Variants in IL12RB1 observed in about 807,000 individuals in gnomAD.
IL12RB1 encodes interleukin 12 receptor subunit beta 1, also known as interleukin-12 receptor subunit beta-1.
Under a neutral mutation model 94.4 loss-of-function variants are expected in IL12RB1, and 64 were observed. That is an observed-to-expected ratio of 0.68 (90% CI 0.55 to 0.83). The LOEUF is 0.83. Among genes scored for constraint, IL12RB1 ranks in the 40% least tolerant of loss-of-function variants. IL12RB1 has a pLI of 0.00. For synonymous variants in IL12RB1, 362 were observed against 355.5 expected, an observed-to-expected ratio of 1.02 and a Z score of -0.21; for missense variants, 814 against 855.6, an observed-to-expected ratio of 0.95 and a Z score of 0.61.
intron 9 of IL12RB1, among the ~76,000 whole-genome samples, chr19:18,071,902 T>C (rs1291290498): frequency 6.6e-6 from 1 of 152,166 alleles, no homozygotes; most frequent in African/African-American, 2.4e-5. Context: ...TGACCTCAGG[T>C]GATTCACCTG....
At chr19:18,080,195 G>A (rs965455856) in intron 4 of IL12RB1, among the ~76,000 whole-genome samples, 13 of 151,558 alleles carry the variant, frequency 8.6e-5, no homozygotes, top group African/African-American at 2.9e-4. Flanking sequence ...AGCTGGGATT[G>A]CAGGCATGCA....
intron 1 of IL12RB1, among the ~76,000 whole-genome samples, chr19:18,084,625 C>A (rs1199006922): frequency 6.6e-6 from 1 of 151,786 alleles, no homozygotes; most frequent in East Asian, 1.9e-4. Flanking sequence ...ACCCACCCAT[C>A]CATCCATTTA....
Position 18,070,512 on chromosome 19 carries a change from C to T in IL12RB1, c.1022-799G>A, listed in dbSNP as rs1227706199. The T allele has an allele frequency of 1.0e-5, 10 of 985,094 alleles. No homozygotes were observed. The South Asian group carries it at 1.9e-4, about 19-fold the overall frequency. The allele number at this position is 985,094 out of a possible 1,614,324, so 61.0% of individuals were successfully genotyped here. A position where few individuals can be genotyped will look rare whatever the true frequency, so the allele number is the denominator to read the frequency against. On this transcript the variant is annotated intron_variant, in intron 9 of 16. Transcript: ENST00000593993. ...TGGGCAAATCTCTCCCACTCCCTCC[C>T]GCCAGGGCGTCTTCATGAATGTCAG... is the stretch of plus-strand genomic sequence containing the variant.
chr19:18,092,885 T>C (rs543678496), intron 1 of IL12RB1, among the ~76,000 whole-genome samples: 1 of 152,264 alleles, frequency 6.6e-6, no homozygotes, highest in African/African-American at 2.4e-5. Context: ...TGATGTCCCT[T>C]ATAGAGACAT....
At chr19:18,096,251 A>AT (rs528140143) in intron 1 of IL12RB1, among the ~76,000 whole-genome samples, 9 of 151,654 alleles carry the variant, frequency 5.9e-5, no homozygotes, top group Non-Finnish European at 1.2e-4. Context: ...CAAAAAAAAA[A>AT]TTTTTTTTTA....
upstream of IL12RB1, among the ~76,000 whole-genome samples, chr19:18,088,193 C>T (rs2036460927): frequency 6.6e-6 from 1 of 151,984 alleles, no homozygotes; most frequent in Non-Finnish European, 1.5e-5. Context: ...TGAGACCAGC[C>T]TGACCAAAAT....
At chr19:18,093,023 G>A (rs900820212) in intron 1 of IL12RB1, among the ~76,000 whole-genome samples, 9 of 151,928 alleles carry the variant, frequency 5.9e-5, no homozygotes, top group African/African-American at 2.2e-4. Context: ...ATAGATGTTA[G>A]GCCGGGCACA....
At chr19:18,090,086 G>A (rs1787864631), upstream of IL12RB1, among the ~76,000 whole-genome samples, 1 of 152,200 alleles carries the variant, frequency 6.6e-6, no homozygotes, top group Admixed American at 6.5e-5. Flanking sequence ...AGGAGGCCAG[G>A]CAGGGTGGAT....
rs945724729 is a variant in IL12RB1, at chr19:18,062,393, C to T, written c.1619-116G>A. On this transcript the variant is annotated intron_variant, in intron 13 of 16. Transcript: ENST00000593993. ...GCTGCTGATCCTGGTGCACATGCCA[C>T]GGGCTTCTCACTGGGAGACCACAGA... is the stretch of plus-strand genomic sequence containing the variant. The T allele has an allele frequency of 6.4e-6, 4 of 622,474 alleles. No individual in the cohort carries two copies. The East Asian group carries it at 8.4e-5, about 13-fold the overall frequency. 38.6% of individuals were successfully genotyped at this position (622,474 alleles called of 1,614,324 possible).
chr19:18,081,095 GTGTT>G (rs749245422), intron 3 of IL12RB1, 94 bp from the exon 4 acceptor site: 81 of 1,180,624 alleles, frequency 6.9e-5, no homozygotes, highest in Non-Finnish European at 8.6e-5. Context: ...CGTTTTTTTG[GTGTT>G]TGTTTGTTTG....
intron 7 of IL12RB1, among the ~76,000 whole-genome samples, chr19:18,075,252 C>CT (rs71164363): frequency 0.58 from 77,136 of 132,854 alleles, 23,637 homozygotes; most frequent in South Asian, 0.74. Flanking sequence ...TTTATTATTA[C>CT]TTTTTTTTTT....
chr19:18,078,305 C>G (rs17881885), intron 4 of IL12RB1, among the ~76,000 whole-genome samples: 15,576 of 151,872 alleles, frequency 0.1, 952 homozygotes, highest in East Asian at 0.28. Context: ...TACTTGGGAG[C>G]CTGAGGCAGG....
In IL12RB1 at chr19:18,059,707, A is replaced by T. The variant is rs560231272; in HGVS notation, c.1984-94T>A. On this transcript the variant is annotated intron_variant, in intron 16 of 16. Coordinates refer to ENST00000593993, the MANE Select transcript of IL12RB1 (RefSeq NM_005535.3). The stretch of plus-strand genomic sequence containing the variant: ...GTGGATGGAATGGGCTGGGTATGCC[A>T]TAAGTGCTTAATAACCAGCCGTTGT... The T allele has an allele frequency of 5.2e-6, 4 of 765,434 alleles. No individual in the cohort carries two copies. The East Asian group carries it at 9.8e-5, about 19-fold the overall frequency. The allele number at this position is 765,434 out of a possible 1,614,324, so 47.4% of individuals were successfully genotyped here. A position where few individuals can be genotyped will look rare whatever the true frequency, so the allele number is the denominator to read the frequency against.
At chr19:18,084,087 C>T (rs1479685661) in intron 1 of IL12RB1, among the ~76,000 whole-genome samples, 1 of 150,802 alleles carries the variant, frequency 6.6e-6, no homozygotes, top group African/African-American at 2.4e-5. Context: ...ATGTATTTAT[C>T]CATCCATGTA....
chr19:18,085,523 G>A (rs866897470), intron 1 of IL12RB1, among the ~76,000 whole-genome samples: 51 of 152,042 alleles, frequency 3.4e-4, no homozygotes, highest in African/African-American at 1.2e-3. Flanking sequence ...ACTGCTGTGG[G>A]CATTCTACAG....
rs117612494 is a variant in IL12RB1, at chr19:18,059,422, C to T, written c.*186G>A. 4,094 of 659,254 alleles carry T rather than the reference C, an allele frequency of 6.2e-3. 34 individuals carry two copies. Among genetic ancestry groups the T allele is most frequent in the Middle Eastern group, 8.2e-3 (21 of 2,546 alleles). 40.8% of individuals were successfully genotyped at this position (659,254 alleles called of 1,614,324 possible). A position where few individuals can be genotyped will look rare whatever the true frequency, so the allele number is the denominator to read the frequency against. On this transcript the variant is annotated 3_prime_UTR_variant, in exon 17 of 17. Coordinates refer to ENST00000593993, the MANE Select transcript of IL12RB1 (RefSeq NM_005535.3). ...CACGGATGCCAGGCCCAGCAGGGTG[C>T]AGCAGCTTCCATTTCATGGCAGCAT... is the stretch of plus-strand genomic sequence containing the variant.
At chr19:18,071,423 G>A in intron 9 of IL12RB1, 1 of 687,348 alleles carries the variant, frequency 1.5e-6, no homozygotes, top group Non-Finnish European at 2.2e-6. Context: ...TTTCTTTTTT[G>A]AAAAAGAGTG....
At chr19:18,091,830 T>G (rs2146570260), upstream of IL12RB1, among the ~76,000 whole-genome samples, 1 of 151,544 alleles carries the variant, frequency 6.6e-6, no homozygotes, top group Admixed American at 6.6e-5. Context: ...CTGATATAGC[T>G]GAGACACAGG....
intron 16 of IL12RB1, 50 bp from the exon 17 acceptor site, chr19:18,059,663 T>G: frequency 1.3e-6 from 1 of 779,980 alleles, no homozygotes. Context: ...TTGTAGGGAT[T>G]TGGTAGGGAA....
Sources: gnomAD v4.1 joint callset for allele counts (sites outside exome capture counted in the v4.1 genomes callset) on GRCh38, gnomAD v4.1.1 for gene constraint, MANE v1.5 for transcripts, NCBI Gene and HGNC (gene_info 2026-07-23, HGNC 2026-07-21) for gene names.